The following IL17RB variants were observed in gnomAD, a reference collection of about 807,000 sequenced individuals.
The protein encoded by IL17RB is interleukin 17 receptor B, also known as interleukin-17 receptor B.
In IL17RB, 36 loss-of-function variants were observed where a neutral mutation model predicts 43.9. That is an observed-to-expected ratio of 0.82 (90% CI 0.63 to 1.08). The LOEUF (loss-of-function observed/expected upper bound fraction) is 1.08. Among genes scored for constraint, IL17RB ranks in the 50% least tolerant of loss-of-function variants. The probability of loss-of-function intolerance (pLI) is 0.00; values close to 1 mark genes in which losing one functional copy is unlikely to be tolerated. For synonymous variants in IL17RB, 225 were observed against 225.4 expected (o/e 1.00, Z 0.02); for missense variants, 613 against 613.6 (o/e 1.00, Z 0.01).
At position 53,852,128 on chromosome 3, in the gene IL17RB, T is replaced by C. The variant is rs766508297; in HGVS notation, c.354+2T>C. The C allele has an allele frequency of 3.1e-6, 5 of 1,612,662 alleles. No individual in the cohort carries two copies. The highest frequency in any genetic ancestry group is 4.2e-6 in the Non-Finnish European group (5 of 1,179,266). On this transcript the variant is annotated splice_donor_variant, in intron 4 of 10. Coordinates refer to ENST00000288167, the MANE Select transcript of IL17RB (RefSeq NM_018725.4). LOFTEE classifies it high-confidence loss of function. Reference sequence around the variant, plus strand: ...CAGACCAGACCCTCTGGTGGTAAAGTAAGCACTTTTTTGTTTTTTGTTTTG... The same window carrying C: ...CAGACCAGACCCTCTGGTGGTAAAGCAAGCACTTTTTTGTTTTTTGTTTTG...
At position 53,860,169 on chromosome 3, in the gene IL17RB, T is replaced by A. The variant is rs754988490; in HGVS notation, c.887T>A (p.Leu296Gln). 1.2e-6 allele frequency: 2 copies of A among 1,614,164 alleles called. No homozygotes were observed. Among genetic ancestry groups the A allele is most frequent in the Non-Finnish European group, 1.7e-6 (2 of 1,179,988 alleles). The change falls in exon 10 of 11, where the codon CTG becomes CAG. Residue 296 changes from leucine to glutamine, a missense_variant. Transcript: ENST00000288167. ...KPGGWLPLLL[L>Q]SLLVATWVLV... is the part of the protein sequence containing the mutation. ...GGAGGCTGGCTGCCTCTCCTCCTGC[T>A]GTCTCTGCTGGTGGCCACATGGGTG...
intron 5 of IL17RB, among the ~76,000 whole-genome samples, chr3:53,853,547 G>C (rs1699232091): frequency 6.6e-6 from 1 of 152,226 alleles, no homozygotes; most frequent in South Asian, 2.1e-4. Context: ...GTCCTGAGTT[G>C]GATGCTGGGC....
chr3:53,846,709 C>T, intron 1 of IL17RB, 61 bp downstream of exon 1: 2 of 1,490,206 alleles, frequency 1.3e-6, no homozygotes, highest in Non-Finnish European at 1.8e-6. Context: ...ATCCTGACGT[C>T]GTCTGATCCG....
chr3:53,864,814 C>A lies in IL17RB; in HGVS notation c.1015C>A (p.Pro339Thr), dbSNP rs781416036. 6.2e-7 allele frequency: 1 copy of A among 1,614,052 alleles called. No homozygotes were observed. The highest frequency in any genetic ancestry group is 2.2e-5 in the East Asian group (1 of 44,874). The stretch of plus-strand genomic sequence containing the variant: ...CCCCATTAAGGTTCTTGTGGTTTAC[C>A]CATCTGAAATATGTTTCCATCACAC... ...LPPIKVLVVY[P>T]SEICFHHTIC... Residue 339 changes from proline (P) to threonine (T), a missense_variant, in exon 11 of 11, where the codon CCA becomes ACA. Transcript: ENST00000288167.
intron 9 of IL17RB, 152 bp downstream of exon 9, chr3:53,858,970 T>A (rs1371432781): frequency 1.8e-6 from 1 of 563,186 alleles, no homozygotes; most frequent in Non-Finnish European, 3.1e-6. Context: ...AAGCCAACAG[T>A]GCTGTCCCAG....
chr3:53,851,967 A>G lies in IL17RB; in HGVS notation c.227-32A>G, dbSNP rs1325652600. ...AAGTCAGCCACACAGCAAGTGCTAA[A>G]TAAACCAATGTCCTCTTGCCTATCT... is the stretch of plus-strand genomic sequence containing the variant. On this transcript the variant is annotated intron_variant, in intron 3 of 10. Coordinates refer to ENST00000288167, the MANE Select transcript of IL17RB (RefSeq NM_018725.4). The G allele has an allele frequency of 5.6e-6, 9 of 1,613,654 alleles. No individual in the cohort carries two copies. In the African/African-American group the frequency reaches 9.3e-5, roughly 17 times the overall value.
chr3:53,848,670 C>A lies in IL17RB; in HGVS notation c.67C>A (p.Gln23Lys), dbSNP rs1699025909. 6.2e-7 allele frequency: 1 copy of A among 1,613,872 alleles called. No individual in the cohort carries two copies. Among genetic ancestry groups the A allele is most frequent in the African/African-American group, 1.3e-5 (1 of 74,886 alleles). Residue 23 changes from glutamine (Q) to lysine (K), a missense_variant, in exon 2 of 11, where the codon CAA becomes AAA. Coordinates refer to ENST00000288167, the MANE Select transcript of IL17RB (RefSeq NM_018725.4). ...GGTTTTTTCTCTCCCACAGACCGTTCAATGTGGCTCTGAAACTGGTAGGTG... is the reference window on the plus strand; with the variant it reads ...GGTTTTTTCTCTCCCACAGACCGTTAAATGTGGCTCTGAAACTGGTAGGTG... ...RSAVPREPTV[Q>K]CGSETGPSPE...
chr3:53,847,649 C>G (rs1255230954), intron 1 of IL17RB, among the ~76,000 whole-genome samples: 2 of 151,958 alleles, frequency 1.3e-5, no homozygotes, highest in Non-Finnish European at 2.9e-5. Flanking sequence ...CAAAAAGTAG[C>G]CGGGCATGGT....
At chr3:53,861,474 C>A (rs1427856428) in intron 10 of IL17RB, 1 of 152,154 alleles carries the variant, frequency 6.6e-6, no homozygotes. Flanking sequence ...ACATGAAAAC[C>A]TTGCACATTT....
At chr3:53,848,530 C>T in intron 1 of IL17RB, 134 bp from the exon 2 acceptor site, 2 of 871,172 alleles carry the variant, frequency 2.3e-6, no homozygotes, top group South Asian at 1.4e-5. Context: ...GAAGCAGAAC[C>T]AGTTCATCTT....
In IL17RB at chr3:53,865,212, T is replaced by C; in HGVS notation, c.1413T>C (p.Asp471=). Residue 471 remains aspartate (D), a synonymous_variant, in exon 11 of 11, where the codon GAT becomes GAC. Transcript: ENST00000288167. ...GCCCCAAGTACCACCTCATGAAGGA[T>C]GCCACTGCTTTCTGTGCAGAACTTC... ...SVCPKYHLMK[D]ATAFCAELLH... 6.2e-7 allele frequency: 1 copy of C among 1,614,022 alleles called. No homozygotes were observed.
chr3:53,861,830 G>T (rs2107027510), intron 10 of IL17RB, among the ~76,000 whole-genome samples: 1 of 152,292 alleles, frequency 6.6e-6, no homozygotes, highest in Middle Eastern at 3.4e-3. Flanking sequence ...GCAGATGAAA[G>T]TGTCCTCTTC....
At chr3:53,864,640 C>A in intron 10 of IL17RB, 106 bp from the exon 11 acceptor site, 2 of 853,310 alleles carry the variant, frequency 2.3e-6, no homozygotes, top group Non-Finnish European at 3.7e-6. Context: ...GCCCTTGGTG[C>A]TCAGCTGACA....
chr3:53,863,508 A>C (rs1398890997), intron 10 of IL17RB, among the ~76,000 whole-genome samples: 2 of 152,248 alleles, frequency 1.3e-5, no homozygotes, highest in Non-Finnish European at 2.9e-5. Context: ...AAGCTAAGAA[A>C]GCCACAGGGG....
chr3:53,863,138 C>T (rs913830952), intron 10 of IL17RB, among the ~76,000 whole-genome samples: 3 of 152,166 alleles, frequency 2.0e-5, no homozygotes, highest in African/African-American at 7.2e-5. Flanking sequence ...GCACATAATA[C>T]ACATAACATG....
chr3:53,846,827 G>T (rs977501261), intron 1 of IL17RB, among the ~76,000 whole-genome samples, 179 bp downstream of exon 1: 1 of 152,232 alleles, frequency 6.6e-6, no homozygotes, highest in Non-Finnish European at 1.5e-5. Context: ...AGTCAGGGGC[G>T]TGGGAATCAG....
At chr3:53,846,764 G>A in intron 1 of IL17RB, 116 bp downstream of exon 1, 3 of 1,041,462 alleles carry the variant, frequency 2.9e-6, no homozygotes, top group South Asian at 3.2e-5. Flanking sequence ...GCCGGCTCAA[G>A]GGGCATGCCT....
intron 3 of IL17RB, among the ~76,000 whole-genome samples, chr3:53,850,151 T>G (rs560930227): frequency 6.6e-6 from 1 of 152,380 alleles, no homozygotes; most frequent in African/African-American, 2.4e-5. Context: ...ACATGCCATA[T>G]GATCCCATTT....
intron 10 of IL17RB, chr3:53,860,453 G>A (rs114887952): frequency 4.9e-4 from 188 of 381,838 alleles, no homozygotes; most frequent in African/African-American, 3.2e-3. Flanking sequence ...TGACTGTCCC[G>A]TTTTTATTTT....
Sources: allele counts gnomAD v4.1 joint callset (sites outside exome capture counted in the v4.1 genomes callset), GRCh38; gene constraint gnomAD v4.1.1; transcripts MANE v1.5; gene names NCBI Gene and HGNC (gene_info 2026-07-23, HGNC 2026-07-21).